VGLL4: variants seen among roughly 807,000 people sequenced by gnomAD.
VGLL4 encodes vestigial like family member 4.
A neutral mutation model predicts 21.0 loss-of-function variants in VGLL4; 7 were observed. That is an observed-to-expected ratio of 0.33 (90% confidence interval 0.19 to 0.63). The LOEUF is 0.63. Among genes scored for constraint, VGLL4 ranks in the 20% least tolerant of loss-of-function variants. VGLL4 has a pLI of 0.78. For missense variants in VGLL4, 394 were observed against 425.7 expected (o/e 0.93, Z 0.66); for synonymous variants, 222 against 173.2 (o/e 1.28, Z -2.21).
chr3:11,627,230 A>ACACACACACACACTCTCTCT (rs1491347863), intron 1 of VGLL4: 1 of 123,270 alleles, frequency 8.1e-6, no homozygotes, highest in African/African-American at 3.3e-5. Flanking sequence ...ACACACACAC[A>ACACACACACACACTCTCTCT]CTCTCTCTCT....
In VGLL4 at chr3:11,565,394, C is replaced by T. The variant is rs1301525474; in HGVS notation, c.273-375G>A. 3.3e-5 allele frequency among the ~76,000 whole-genome samples: 5 copies of T among 152,196 alleles called. No individual in the cohort carries two copies. The highest frequency in any genetic ancestry group is 2.1e-4 in the South Asian group (1 of 4,834). On this transcript the variant is annotated intron_variant, in intron 2 of 4. Coordinates refer to ENST00000430365, the MANE Select transcript of VGLL4 (RefSeq NM_001128219.3). This position sits in a 1 kb window ranked among gnomAD's most constrained non-coding sequence, Gnocchi z 4.1. ...TTGGACAGGACGGGGACGCTGACAACGATCCAGAGTCACTGGCTGCGTCCT... is the reference window on the plus strand; with the variant it reads ...TTGGACAGGACGGGGACGCTGACAATGATCCAGAGTCACTGGCTGCGTCCT...
intron 2 of VGLL4, among the ~76,000 whole-genome samples, chr3:11,591,881 A>G (rs1165411237): frequency 1.3e-5 from 2 of 152,246 alleles, no homozygotes; most frequent in Non-Finnish European, 2.9e-5. Context: ...CATGGGGCAA[A>G]GTGGGGGGAT....
intron 2 of VGLL4, among the ~76,000 whole-genome samples, chr3:11,586,785 G>A (rs1488839773): frequency 2.0e-5 from 3 of 152,088 alleles, no homozygotes; most frequent in Admixed American, 1.3e-4. Flanking sequence ...TCGCTTTGTC[G>A]GGAGCCCTCA....
At chr3:11,622,321 C>T (rs2125301972) in intron 1 of VGLL4, among the ~76,000 whole-genome samples, 1 of 152,178 alleles carries the variant, frequency 6.6e-6, no homozygotes, top group Admixed American at 6.5e-5. Context: ...GGGTAGCAAA[C>T]TCCTGGATAA....
rs921183390 is a variant in VGLL4 at position 11,558,012 on chromosome 3, T to G, written c.*544A>C. ...TTAAACCCTTTGTTTTTCAGCAGTT[T>G]GCCCTCAGAGTTCTGGCATAACACA... is the stretch of plus-strand genomic sequence containing the variant. On this transcript the variant is annotated 3_prime_UTR_variant, in exon 5 of 5. Coordinates refer to ENST00000430365, the MANE Select transcript of VGLL4 (RefSeq NM_001128219.3). The G allele has an allele frequency of 6.4e-6, 1 of 155,850 alleles. No individual in the cohort carries two copies. The highest frequency in any genetic ancestry group is 6.2e-5 in the Admixed American group (1 of 16,038). The allele number at this position is 155,850 out of a possible 1,614,324, so 9.7% of individuals were successfully genotyped here.
chr3:11,643,090 C>G (rs2075727593), intron 1 of VGLL4, among the ~76,000 whole-genome samples: 1 of 152,208 alleles, frequency 6.6e-6, no homozygotes. Context: ...AGAGGCTCAA[C>G]TTTTACCGGC....
chr3:11,628,617 G>T (rs2574708), intron 1 of VGLL4, among the ~76,000 whole-genome samples: 4 of 150,218 alleles, frequency 2.7e-5, no homozygotes, highest in African/African-American at 4.9e-5. Context: ...TCAGGAGATT[G>T]AGACCATCCT....
At chr3:11,630,209 T>C (rs1400900886) in intron 1 of VGLL4, among the ~76,000 whole-genome samples, 1 of 152,270 alleles carries the variant, frequency 6.6e-6, no homozygotes, top group Non-Finnish European at 1.5e-5. Context: ...TTTTTTCACA[T>C]AGTACCAATC....
intron 2 of VGLL4, among the ~76,000 whole-genome samples, chr3:11,670,928 TC>T (rs5846716): frequency 0.044 from 6,635 of 152,214 alleles, 239 homozygotes; most frequent in East Asian, 0.17. Context: ...TTGCAGCTAC[TC>T]GGGAGGCTGA....
chr3:11,671,239 G>T (rs953641310), intron 2 of VGLL4: 4 of 1,558,882 alleles, frequency 2.6e-6, no homozygotes, highest in Admixed American at 3.7e-5. Context: ...AAGAAAATGT[G>T]AAAATCAAAA....
At chr3:11,595,938 C>T (rs563721098) in intron 2 of VGLL4, among the ~76,000 whole-genome samples, 16 of 151,626 alleles carry the variant, frequency 1.1e-4, no homozygotes, top group Non-Finnish European at 1.9e-4. Flanking sequence ...ACACATGTAA[C>T]TAACCTGCAC....
chr3:11,702,886 A>C, intron 2 of VGLL4: 1 of 1,307,832 alleles, frequency 7.6e-7, no homozygotes, highest in Non-Finnish European at 1.0e-6. Flanking sequence ...AAAACCATGT[A>C]GAGAAGCATG....
chr3:11,676,350 G>A (rs1485967415), intron 2 of VGLL4, among the ~76,000 whole-genome samples: 4 of 150,576 alleles, frequency 2.7e-5, no homozygotes, highest in Non-Finnish European at 5.9e-5. Context: ...TTGCACCACT[G>A]CATTCCAGCA....
chr3:11,640,422 TC>T (rs1191259750), intron 1 of VGLL4, among the ~76,000 whole-genome samples: 2 of 152,118 alleles, frequency 1.3e-5, no homozygotes, highest in Admixed American at 6.6e-5. Context: ...ATCTGAGCAT[TC>T]AGTGGGGTGA....
intron 1 of VGLL4, among the ~76,000 whole-genome samples, chr3:11,603,687 C>T (rs1447404328): frequency 2.0e-5 from 3 of 152,142 alleles, no homozygotes; most frequent in African/African-American, 7.2e-5. Flanking sequence ...TGACCCTCCT[C>T]TCCACCCAGG....
chr3:11,639,264 C>T (rs532667434), intron 1 of VGLL4, among the ~76,000 whole-genome samples: 1 of 152,362 alleles, frequency 6.6e-6, no homozygotes, highest in East Asian at 1.9e-4. Flanking sequence ...GTCCCTGCTC[C>T]CTGGGGACTG....
At chr3:11,622,772 T>C (rs2075288244) in intron 1 of VGLL4, among the ~76,000 whole-genome samples, 2 of 152,188 alleles carry the variant, frequency 1.3e-5, no homozygotes, top group African/African-American at 4.8e-5. Context: ...TCACTTCAAT[T>C]ATGCTTTCGA....
intron 1 of VGLL4, among the ~76,000 whole-genome samples, chr3:11,706,775 C>G (rs971126553): frequency 1.1e-4 from 16 of 141,970 alleles, no homozygotes; most frequent in African/African-American, 4.0e-4. Context: ...GAGTCAACAA[C>G]AGTCTGAGAA....
chr3:11,680,566 C>T (rs917742603), intron 2 of VGLL4, among the ~76,000 whole-genome samples: 1 of 152,084 alleles, frequency 6.6e-6, no homozygotes, highest in African/African-American at 2.4e-5. Context: ...AGGAAGACAG[C>T]GGGAGGACAT....
Sources: gnomAD v4.1 joint callset for allele counts (sites outside exome capture counted in the v4.1 genomes callset) on GRCh38, gnomAD v4.1.1 for gene constraint, Gnocchi (gnomAD v3.1) non-coding constraint, MANE v1.5 for transcripts, NCBI Gene and HGNC (gene_info 2026-07-23, HGNC 2026-07-21) for gene names.